CROCC: variants seen among roughly 807,000 people sequenced by gnomAD.
CROCC encodes rootletin.
A neutral mutation model predicts 245.2 loss-of-function variants in CROCC; 180 were observed. The ratio of observed to expected loss-of-function variants is 0.73; its 90% CI spans 0.65 to 0.83. CROCC has a LOEUF of 0.83. Ranked by LOEUF, CROCC falls within the 40% of genes least tolerant of loss-of-function variation. The pLI, the probability that CROCC is intolerant of heterozygous loss-of-function variation, is 0.00. For missense variants in CROCC, 2,688 were observed against 2,779.4 expected, an observed-to-expected ratio of 0.97 and a Z score of 0.74; for synonymous variants, 1,205 against 1,241.6, an observed-to-expected ratio of 0.97 and a Z score of 0.62.
At chr1:16,946,596 C>T (rs2076052075) in intron 16 of CROCC, among the ~76,000 whole-genome samples, 165 bp from the exon 17 acceptor site, 1 of 152,286 alleles carries the variant, frequency 6.6e-6, no homozygotes, top group Admixed American at 6.5e-5. Context: ...TTCCATGGGC[C>T]CTCCTCATCT....
chr1:16,923,100 G>A (rs1239849744), intron 2 of CROCC, among the ~76,000 whole-genome samples: 6 of 152,294 alleles, frequency 3.9e-5, no homozygotes, highest in African/African-American at 1.2e-4. Flanking sequence ...GGGAAGGTGT[G>A]AGCTGGCTGA....
chr1:16,957,894 G>A (rs2076272152), intron 25 of CROCC, among the ~76,000 whole-genome samples: 1 of 152,190 alleles, frequency 6.6e-6, no homozygotes, highest in Non-Finnish European at 1.5e-5. Flanking sequence ...CAAGACTCCC[G>A]GAAAGGAGCT....
rs750352189 is a variant in CROCC, at chr1:16,929,992, G to A, written c.498G>A (p.Gln166=). Residue 166 remains glutamine (Q), a synonymous_variant, in exon 4 of 37, where the codon CAG becomes CAA. Coordinates refer to ENST00000375541, the MANE Select transcript of CROCC (RefSeq NM_014675.5). The stretch of plus-strand genomic sequence containing the variant: ...AGCTGCAGGCCTACCAGGAGGGCCA[G>A]CAGCGGCAGGCCCAGCTTGTGCAGC... The part of the protein sequence containing the change: ...RRKLQAYQEG[Q]QRQAQLVQRL... The A allele has an allele frequency of 3.2e-6, 5 of 1,585,914 alleles. No homozygotes were observed. In the Admixed American group the frequency reaches 9.0e-5, roughly 29 times the overall value.
chr1:16,940,226 T>G (rs1370913117), intron 13 of CROCC, 133 bp downstream of exon 13: 3 of 1,053,922 alleles, frequency 2.8e-6, no homozygotes, highest in Non-Finnish European at 4.0e-6. Context: ...TAACGTTTAT[T>G]TATTTATTTA....
At chr1:16,961,167 G>T (rs1323062196) in intron 27 of CROCC, 37 bp downstream of exon 27, 1 of 1,285,830 alleles carries the variant, frequency 7.8e-7, no homozygotes, top group South Asian at 2.2e-5. Context: ...GGGGGGAGGT[G>T]GGCGGGCCGC....
Position 16,958,650 on chromosome 1 carries a change from C to T in CROCC, c.3932C>T (p.Ala1311Val), listed in dbSNP as rs141366228. 9 of 1,555,616 alleles carry T rather than the reference C, an allele frequency of 5.8e-6. No homozygotes were observed. The highest frequency in any genetic ancestry group is 5.4e-5 in the African/African-American group (4 of 73,528). The change falls in exon 26 of 37, where the codon GCG becomes GTG. Residue 1311 changes from alanine to valine, a missense_variant. Around this residue, in one of 9 missense-constraint regions of CROCC, gnomAD observed 1,218 missense variants for 1,286.3 expected, o/e 0.95. Coordinates refer to ENST00000375541, the MANE Select transcript of CROCC (RefSeq NM_014675.5). Reference sequence around the variant, plus strand: ...CTGGCGGAGCTGCAGGGCCGCCTGGCGCTGGGCGAGCGGGCAGAGAAGGAG... The same window carrying T: ...CTGGCGGAGCTGCAGGGCCGCCTGGTGCTGGGCGAGCGGGCAGAGAAGGAG... ...RELAELQGRLALGERAEKESR... is the reference protein window; with the variant it reads ...RELAELQGRLVLGERAEKESR...
At chr1:16,964,110 CTTT>C (rs1269191999) in intron 27 of CROCC, among the ~76,000 whole-genome samples, 2 of 124,382 alleles carry the variant, frequency 1.6e-5, no homozygotes, top group East Asian at 4.2e-4. Flanking sequence ...CCACTTTTTT[CTTT>C]TTCTTTTCTT....
intron 9 of CROCC, among the ~76,000 whole-genome samples, chr1:16,937,351 T>TCA (rs1553153981): frequency 8.6e-6 from 1 of 115,694 alleles, no homozygotes; most frequent in Non-Finnish European, 1.8e-5. Context: ...AAACTCCGTC[T>TCA]CAAAAAAAAA....
At position 16,939,100 on chromosome 1, in the gene CROCC, C is replaced by T. The variant is rs765378515; in HGVS notation, c.1566C>T (p.Ala522=). The change falls in exon 12 of 37, where the codon GCC becomes GCT. Residue 522 remains alanine, a synonymous_variant. Coordinates refer to ENST00000375541, the MANE Select transcript of CROCC (RefSeq NM_014675.5). ...CCTGCTCAGACTCCTCCACGCTCGC[C>T]CTGATCCACTCCGCCCTGCACAAGC... is the stretch of plus-strand genomic sequence containing the variant. The part of the protein sequence containing the change: ...SPACSDSSTL[A]LIHSALHKRQ... 6.4e-7 allele frequency: 1 copy of T among 1,574,442 alleles called. No individual in the cohort carries two copies. Among genetic ancestry groups the T allele is most frequent in the Middle Eastern group, 2.2e-4 (1 of 4,536 alleles).
At chr1:16,955,199 A>T (rs2076229004) in intron 23 of CROCC, 113 bp from the exon 24 acceptor site, 1 of 986,556 alleles carries the variant, frequency 1.0e-6, no homozygotes, top group Admixed American at 2.1e-5. Context: ...CTGCGGTCTG[A>T]GCACTGCAGA....
intron 1 of CROCC, among the ~76,000 whole-genome samples, chr1:16,914,120 C>T (rs1375443487): frequency 6.6e-6 from 1 of 151,272 alleles, no homozygotes; most frequent in Non-Finnish European, 1.5e-5. Flanking sequence ...GCAGCGGCTG[C>T]GGCGAAGGCG....
intron 20 of CROCC, chr1:16,953,017 GT>G: frequency 2.5e-6 from 1 of 399,440 alleles, no homozygotes; most frequent in Non-Finnish European, 4.7e-6. Flanking sequence ...CAGGGGCTGT[GT>G]TCTTGGCCTG....
At chr1:16,927,525 C>T (rs1296014125) in intron 3 of CROCC, among the ~76,000 whole-genome samples, 35 of 152,384 alleles carry the variant, frequency 2.3e-4, no homozygotes, top group Non-Finnish European at 3.4e-4. Flanking sequence ...CCAACACCCG[C>T]GCCACAACAT....
Position 16,947,052 on chromosome 1 carries a change from C to G in CROCC, c.2514+61C>G, listed in dbSNP as rs1455226724. ...CATGTGGGGCAGGCCGGGCTCCCAG[C>G]CCCCTGCATCCAGTCCTGGGTTAAG... is the stretch of plus-strand genomic sequence containing the variant. On this transcript the variant is annotated intron_variant, in intron 17 of 36. Coordinates refer to ENST00000375541, the MANE Select transcript of CROCC (RefSeq NM_014675.5). 5.0e-6 allele frequency: 7 copies of G among 1,406,688 alleles called. No individual in the cohort carries two copies. The Admixed American group carries it at 1.2e-4, about 25-fold the overall frequency. 87.1% of individuals were successfully genotyped at this position (1,406,688 alleles called of 1,614,324 possible).
chr1:16,947,100 C>G (rs2076067130), intron 17 of CROCC, 109 bp downstream of exon 17: 2 of 1,066,642 alleles, frequency 1.9e-6, no homozygotes, highest in Middle Eastern at 3.0e-4. Context: ...GAGCCTGCTT[C>G]TGGGTTAAAT....
At chr1:16,950,178 C>T (rs2076135456) in intron 19 of CROCC, among the ~76,000 whole-genome samples, 1 of 151,736 alleles carries the variant, frequency 6.6e-6, no homozygotes, top group South Asian at 2.1e-4. Context: ...ATTCTCCTGC[C>T]TCAGCCTCCC....
At chr1:16,970,081 A>G in intron 33 of CROCC, 147 bp downstream of exon 33, 1 of 1,242,226 alleles carries the variant, frequency 8.1e-7, no homozygotes, top group Non-Finnish European at 1.1e-6. Flanking sequence ...TAGTCCTGTT[A>G]TACAGATGGA....
intron 7 of CROCC, among the ~76,000 whole-genome samples, chr1:16,930,917 C>T (rs1395401382): frequency 1.3e-5 from 2 of 152,292 alleles, no homozygotes; most frequent in Admixed American, 1.3e-4. Context: ...GATCGTGCCA[C>T]TGCACTCCAT....
rs1277475330 is a variant in CROCC, at chr1:16,922,697, G to T, written c.95G>T (p.Gly32Val). The T allele has an allele frequency of 6.2e-7, 1 of 1,613,550 alleles. No individual in the cohort carries two copies. The highest frequency in any genetic ancestry group is 1.1e-5 in the South Asian group (1 of 91,026). The part of the protein sequence containing the change: ...LESSVLCQEK[G>V]LGARDLAQDA... ...AGCAGCGTCCTGTGCCAGGAGAAAG[G>T]CTTGGGCGCGCGGGACCTGGCCCAG... The change falls in exon 2 of 37, where the codon GGC becomes GTC. Residue 32 changes from glycine (G) to valine (V), a missense_variant. Gly to Val is a moderately radical substitution (Grantham distance 109). This residue lies in a region of CROCC where 972 missense variants were observed against 895.3 expected (regional missense o/e 1.09). Coordinates refer to ENST00000375541, the MANE Select transcript of CROCC (RefSeq NM_014675.5).
Sources: gnomAD v4.1 joint callset for allele counts (sites outside exome capture counted in the v4.1 genomes callset) on GRCh38, gnomAD v4.1.1 for gene constraint, gnomAD v4.1.1 regional missense constraint, MANE v1.5 for transcripts, NCBI Gene and HGNC (gene_info 2026-07-23, HGNC 2026-07-21) for gene names.